Variants in PCDH9 observed in about 807,000 individuals in gnomAD.
The protein encoded by PCDH9 is protocadherin 9.
In PCDH9, 24 loss-of-function variants were observed where a neutral mutation model predicts 70.6. The ratio of observed to expected loss-of-function variants is 0.34; its 90% confidence interval spans 0.25 to 0.48. The LOEUF is 0.48. Ranked by LOEUF, PCDH9 falls within the 20% of genes least tolerant of loss-of-function variation. The probability of loss-of-function intolerance (pLI) is 0.99; values close to 1 mark genes in which losing one functional copy is unlikely to be tolerated. For missense variants in PCDH9, 1,281 were observed against 1,503.6 expected (o/e 0.85, Z 2.45); for synonymous variants, 562 against 558.5 (o/e 1.01, Z -0.09).
chr13:66,331,594 T>A (rs1179463301), intron 4 of PCDH9, among the ~76,000 whole-genome samples: 1 of 152,134 alleles, frequency 6.6e-6, no homozygotes, highest in Non-Finnish European at 1.5e-5. Context: ...ATGAGAAAAA[T>A]TATTGAAACT....
chr13:66,715,318 C>T (rs1438976716), intron 3 of PCDH9, among the ~76,000 whole-genome samples: 1 of 152,092 alleles, frequency 6.6e-6, no homozygotes, highest in East Asian at 1.9e-4. Context: ...TAATGTACTT[C>T]ATTAAAGTGA....
At chr13:66,925,038 T>C (rs566020986) in intron 2 of PCDH9, among the ~76,000 whole-genome samples, 24 of 151,896 alleles carry the variant, frequency 1.6e-4, no homozygotes, top group African/African-American at 3.6e-4. Context: ...AACTGTCAAA[T>C]TGGAAATAGA....
chr13:67,183,145 A>C (rs958228732), intron 2 of PCDH9, among the ~76,000 whole-genome samples: 9 of 152,126 alleles, frequency 5.9e-5, no homozygotes, highest in Non-Finnish European at 1.3e-4. Flanking sequence ...GTACTTCTGA[A>C]CTTCACTACC....
At chr13:67,163,045 T>C (rs753790800) in intron 2 of PCDH9, among the ~76,000 whole-genome samples, 1 of 152,182 alleles carries the variant, frequency 6.6e-6, no homozygotes, top group South Asian at 2.1e-4. Context: ...CATATATAGA[T>C]AGTAACACTT....
intron 4 of PCDH9, among the ~76,000 whole-genome samples, chr13:66,617,848 C>G (rs759259112): frequency 6.6e-6 from 1 of 151,916 alleles, no homozygotes; most frequent in African/African-American, 2.4e-5. Flanking sequence ...CCCTGAGGGA[C>G]CTCAGACTGC....
chr13:66,491,601 T>C (rs1359509270), intron 4 of PCDH9, among the ~76,000 whole-genome samples: 1 of 152,148 alleles, frequency 6.6e-6, no homozygotes, highest in African/African-American at 2.4e-5. Context: ...CTGGCATTGA[T>C]TTGAATTGTT....
At chr13:67,018,081 A>G (rs1423559936) in intron 2 of PCDH9, among the ~76,000 whole-genome samples, 1 of 152,210 alleles carries the variant, frequency 6.6e-6, no homozygotes, top group East Asian at 1.9e-4. Context: ...AACATGCAAT[A>G]TATTTTTCCC....
chr13:67,140,030 C>A (rs1017159658), intron 2 of PCDH9, among the ~76,000 whole-genome samples: 11 of 111,722 alleles, frequency 9.8e-5, no homozygotes, highest in Non-Finnish European at 1.6e-4. Context: ...TGATCACCCC[C>A]CCCCCCCCGC....
At chr13:67,174,234 T>G (rs192645168) in intron 2 of PCDH9, among the ~76,000 whole-genome samples, 1 of 151,918 alleles carries the variant, frequency 6.6e-6, no homozygotes, top group East Asian at 1.9e-4. Flanking sequence ...ATATATTACT[T>G]ATAGCAGATA....
At chr13:66,676,252 A>G (rs769031936) in intron 3 of PCDH9, among the ~76,000 whole-genome samples, 3 of 152,142 alleles carry the variant, frequency 2.0e-5, no homozygotes, top group Non-Finnish European at 2.9e-5. Context: ...AAAAATAGTG[A>G]AAAAGTATTT....
chr13:66,549,432 G>A (rs367582178), intron 4 of PCDH9, among the ~76,000 whole-genome samples: 5 of 152,032 alleles, frequency 3.3e-5, no homozygotes, highest in East Asian at 3.9e-4. Context: ...TACATGTACT[G>A]TATTACATTC....
At chr13:66,442,314 G>A (rs76734900) in intron 4 of PCDH9, among the ~76,000 whole-genome samples, 2,489 of 152,200 alleles carry the variant, frequency 0.016, 64 homozygotes, top group African/African-American at 0.056. Flanking sequence ...AGAGAACAGC[G>A]ATGAAATCAC....
chr13:66,528,893 A>T (rs74093327), intron 4 of PCDH9, among the ~76,000 whole-genome samples: 4,923 of 152,100 alleles, frequency 0.032, 254 homozygotes, highest in African/African-American at 0.11. Context: ...TGTGTTTTTT[A>T]AAAAAATAAC....
chr13:67,225,423 G>A lies in PCDH9; in HGVS notation c.3018C>T (p.Gly1006=), dbSNP rs1317686360. The change falls in exon 2 of 5, where the codon GGC becomes GGT. Residue 1006 remains glycine, a synonymous_variant. Transcript: ENST00000377865. ...CGTTTACCTGTCTGGTGTGTAAGGG[G>A]CCCTTTGTCTTGAAGCCTCCTTGGG... ...CSSQGGFKTK[G]PLHTRQCNSH... is the part of the protein sequence containing the mutation. 6.2e-7 allele frequency: 1 copy of A among 1,613,854 alleles called. No individual in the cohort carries two copies. The highest frequency in any genetic ancestry group is 1.3e-5 in the African/African-American group (1 of 74,908).
intron 2 of PCDH9, among the ~76,000 whole-genome samples, chr13:67,076,509 A>G (rs2085880614): frequency 6.6e-6 from 1 of 152,156 alleles, no homozygotes; most frequent in Non-Finnish European, 1.5e-5. Context: ...GTGTCACAGC[A>G]GGTAACATAA....
intron 4 of PCDH9, among the ~76,000 whole-genome samples, chr13:66,519,048 G>A (rs1959871815): frequency 6.6e-6 from 1 of 151,992 alleles, no homozygotes; most frequent in African/African-American, 2.4e-5. Flanking sequence ...GTTTATATTC[G>A]AGGCTGGGAA....
chr13:66,752,792 C>A (rs1274550658), intron 3 of PCDH9, among the ~76,000 whole-genome samples: 1 of 152,196 alleles, frequency 6.6e-6, no homozygotes, highest in Non-Finnish European at 1.5e-5. Context: ...AAGGTCCACA[C>A]ATACACAATG....
At chr13:66,925,578 T>A (rs978073127) in intron 2 of PCDH9, among the ~76,000 whole-genome samples, 1 of 151,800 alleles carries the variant, frequency 6.6e-6, no homozygotes, top group Non-Finnish European at 1.5e-5. Flanking sequence ...CACTTTTTAT[T>A]TCTTGATCCT....
At chr13:67,169,398 T>A (rs1383972597) in intron 2 of PCDH9, among the ~76,000 whole-genome samples, 1 of 152,224 alleles carries the variant, frequency 6.6e-6, no homozygotes, top group Non-Finnish European at 1.5e-5. Context: ...TCTGTTGCCA[T>A]CTTCTGCCAT....
Sources: allele counts gnomAD v4.1 joint callset (sites outside exome capture counted in the v4.1 genomes callset), GRCh38; gene constraint gnomAD v4.1.1; transcripts MANE v1.5; gene names NCBI Gene and HGNC (gene_info 2026-07-23, HGNC 2026-07-21).